The following SERF2 variants were observed in gnomAD, a reference collection of about 807,000 sequenced individuals.
SERF2 encodes the protein small EDRK-rich factor 2, also known as gastric cancer-related protein VRG107.
SERF2 carries 4 observed loss-of-function variants against 10.7 expected under a neutral mutation model. The ratio of observed to expected loss-of-function variants is 0.37; its 90% CI spans 0.18 to 0.86. SERF2 has a LOEUF of 0.86. Ranked by LOEUF, SERF2 falls within the 40% of genes least tolerant of loss-of-function variation. The pLI is 0.43. For synonymous variants in SERF2, 26 were observed against 26.0 expected (o/e 1.00, Z 0.01); for missense variants, 47 against 79.1 (o/e 0.59, Z 1.54).
At chr15:43,792,027 G>A (rs1347285692), upstream of SERF2, 5 of 468,860 alleles carry the variant, frequency 1.1e-5, no homozygotes, top group African/African-American at 5.9e-5. Context: ...ACTCTGCACG[G>A]TCACGTGCTC....
chr15:43,790,952 T>A (rs911299896), upstream of SERF2, among the ~76,000 whole-genome samples: 3 of 144,326 alleles, frequency 2.1e-5, no homozygotes, highest in Non-Finnish European at 4.5e-5. Context: ...GTATTTTTAG[T>A]AGAGACGGGG....
intron 1 of SERF2, among the ~76,000 whole-genome samples, chr15:43,778,608 A>G (rs2086941500): frequency 7.0e-6 from 1 of 142,212 alleles, no homozygotes; most frequent in African/African-American, 2.7e-5. Flanking sequence ...AAAAAAAAAA[A>G]AAAAAAAGAG....
In SERF2 at chr15:43,793,991, G is replaced by A; in HGVS notation, c.*218G>A. 2 of 1,499,176 alleles carry A rather than the reference G, an allele frequency of 1.3e-6. No individual in the cohort carries two copies. Among genetic ancestry groups the A allele is most frequent in the Non-Finnish European group, 1.8e-6 (2 of 1,124,780 alleles). The allele number at this position is 1,499,176 out of a possible 1,614,324, so 92.9% of individuals were successfully genotyped here. A position where few individuals can be genotyped will look rare whatever the true frequency, so the allele number is the denominator to read the frequency against. On this transcript the variant is annotated 3_prime_UTR_variant, in exon 3 of 3. Coordinates refer to ENST00000249786, the MANE Select transcript of SERF2 (RefSeq NM_001018108.4). ...GGGGTGAGGGGGTTACCCCTTCCCA[G>A]TGTTTTTTATTCCTGTGGGGCTCAC...
Position 43,793,971 on chromosome 15 carries a change from G to T in SERF2, c.*198G>T. The T allele has an allele frequency of 1.3e-6, 2 of 1,535,228 alleles. No individual in the cohort carries two copies. The highest frequency in any genetic ancestry group is 1.2e-5 in the South Asian group (1 of 83,700). ...CTCCCCCTGGGCCACTCCCGGGGGT[G>T]AGGGGGTTACCCCTTCCCAGTGTTT... On this transcript the variant is annotated 3_prime_UTR_variant, in exon 3 of 3. Coordinates refer to ENST00000249786, the MANE Select transcript of SERF2 (RefSeq NM_001018108.4).
chr15:43,777,903 A>G (rs1287423413), intron 1 of SERF2: 1 of 151,944 alleles, frequency 6.6e-6, no homozygotes, highest in Non-Finnish European at 1.5e-5. Context: ...GGGAACCTTA[A>G]CGTCCTCTAC....
intron 1 of SERF2, among the ~76,000 whole-genome samples, chr15:43,779,536 G>A (rs2086949238): frequency 6.6e-6 from 1 of 152,052 alleles, no homozygotes. Context: ...CAGTTGCCCA[G>A]GCTGGAGTGC....
chr15:43,795,233 G>C lies in SERF2; in HGVS notation c.*1460G>C. 3.7e-6 allele frequency: 6 copies of C among 1,612,124 alleles called. No homozygotes were observed. The highest frequency in any genetic ancestry group is 5.1e-6 in the Non-Finnish European group (6 of 1,178,250). ...TCATAGCTGTGTAACCAAAGGCTCT[G>C]GTTAGAGAATATGAAGGGCCTTAGC... On this transcript the variant is annotated 3_prime_UTR_variant, in exon 3 of 3. Coordinates refer to ENST00000249786, the MANE Select transcript of SERF2 (RefSeq NM_001018108.4).
At chr15:43,777,338 AG>A (rs1317294544) in exon 1 of SERF2, 3 of 340,436 alleles carry the variant, frequency 8.8e-6, no homozygotes, top group Non-Finnish European at 1.8e-5. Context: ...GGCGGGAGAA[AG>A]GGCCTGGTTG....
chr15:43,782,383 T>C (rs962419207), intron 1 of SERF2, among the ~76,000 whole-genome samples: 4 of 152,214 alleles, frequency 2.6e-5, no homozygotes, highest in African/African-American at 9.7e-5. Context: ...TTCCTTCTTG[T>C]ATGTTCCTCT....
upstream of SERF2, chr15:43,777,097 C>T (rs779590160): frequency 2.3e-6 from 2 of 880,532 alleles, no homozygotes; most frequent in East Asian, 5.3e-5. Context: ...CTTCGCTCTC[C>T]CCGGCCAACC....
intron 1 of SERF2, among the ~76,000 whole-genome samples, chr15:43,782,047 C>A (rs2086969334): frequency 6.6e-6 from 1 of 151,954 alleles, no homozygotes; most frequent in South Asian, 2.1e-4. Flanking sequence ...TGCCACTGTG[C>A]CCCGCTAATT....
At chr15:43,789,005 C>G (rs367678957), upstream of SERF2, among the ~76,000 whole-genome samples, 49 of 152,174 alleles carry the variant, frequency 3.2e-4, no homozygotes, top group South Asian at 8.1e-3. Context: ...AAAAATTAGC[C>G]GGGCGTAGTG....
chr15:43,783,907 G>A (rs1053016252), intron 1 of SERF2, among the ~76,000 whole-genome samples: 3 of 149,518 alleles, frequency 2.0e-5, no homozygotes, highest in Non-Finnish European at 4.4e-5. Context: ...GACTACAAGC[G>A]GGTGCCACCA....
chr15:43,779,251 C>T (rs2086947479), intron 1 of SERF2, among the ~76,000 whole-genome samples: 1 of 151,954 alleles, frequency 6.6e-6, no homozygotes, highest in East Asian at 1.9e-4. Context: ...TTCCATTTTT[C>T]TCAGTGAAGT....
At chr15:43,777,508 TG>T (rs3832983) in intron 1 of SERF2, 27,923 of 186,590 alleles carry the variant, frequency 0.15, 2,896 homozygotes, top group African/African-American at 0.29. Flanking sequence ...GAGAGGTAAT[TG>T]GGGCCCTGCG....
chr15:43,792,137 C>G (rs1390720915), upstream of SERF2: 1 of 579,190 alleles, frequency 1.7e-6, no homozygotes, highest in Non-Finnish European at 3.1e-6. Flanking sequence ...ACGTCTCACT[C>G]GGGAAGCCCC....
In SERF2 at chr15:43,781,822, T is replaced by C. The variant is rs138955070; in HGVS notation, c.-526-3588T>C. 4.6e-3 allele frequency among the ~76,000 whole-genome samples: 693 copies of C among 151,682 alleles called. 2 individuals are homozygous for C. Among genetic ancestry groups the C allele is most frequent in the Non-Finnish European group, 7.9e-3 (538 of 67,930 alleles). On this transcript the variant is annotated intron_variant, in intron 1 of 4. Coordinates refer to the SERF2 transcript ENST00000381359. The stretch of plus-strand genomic sequence containing the variant: ...GTCTCGAACTCCTGGACTCAAGTGA[T>C]CCACCTGCCTCGGCTTCTCCAAGTG...
At chr15:43,791,670 C>T (rs944226637), upstream of SERF2, among the ~76,000 whole-genome samples, 4 of 152,204 alleles carry the variant, frequency 2.6e-5, no homozygotes, top group Non-Finnish European at 4.4e-5. Context: ...CTTTTGGAGT[C>T]CTCCAATACT....
Position 43,795,705 on chromosome 15 carries a change from G to C in SERF2, c.*1932G>C. ...GCACTCACCTTTGTCTGCCTCCACT[G>C]TTTCAGGGCAGCAGAAACACAGTGA... On this transcript the variant is annotated 3_prime_UTR_variant, in exon 3 of 3. Transcript: ENST00000249786. 2.5e-6 allele frequency: 4 copies of C among 1,614,074 alleles called. No homozygotes were observed. The highest frequency in any genetic ancestry group is 3.4e-6 in the Non-Finnish European group (4 of 1,179,974).
Sources: allele counts gnomAD v4.1 joint callset (sites outside exome capture counted in the v4.1 genomes callset), GRCh38; gene constraint gnomAD v4.1.1; transcripts MANE v1.5; gene names NCBI Gene and HGNC (gene_info 2026-07-23, HGNC 2026-07-21).